RPA3: variants seen among roughly 807,000 people sequenced by gnomAD.
The protein encoded by RPA3 is replication protein A3.
Under a neutral mutation model 13.7 loss-of-function variants are expected in RPA3, and 24 were observed. The ratio of observed to expected loss-of-function variants is 1.75; its 90% CI spans 1.27 to 2.46. The LOEUF (loss-of-function observed/expected upper bound fraction) is 2.46, where lower values mean the gene tolerates loss of function less well. RPA3 is among the 30% of genes most tolerant of loss of function. RPA3 has a pLI of 0.00. For missense variants in RPA3, 183 were observed against 151.0 expected, an observed-to-expected ratio of 1.21 and a Z score of -1.11; for synonymous variants, 59 against 51.2, an observed-to-expected ratio of 1.15 and a Z score of -0.65.
intron 4 of RPA3, among the ~76,000 whole-genome samples, chr7:7,678,400 T>A (rs1256574373): frequency 2.0e-5 from 3 of 146,418 alleles, no homozygotes; most frequent in South Asian, 2.1e-4. Context: ...AAATAGCTAT[T>A]CAGATATATA....
chr7:7,716,380 T>A (rs1438103475), intron 1 of RPA3, among the ~76,000 whole-genome samples: 1 of 152,210 alleles, frequency 6.6e-6, no homozygotes, highest in Non-Finnish European at 1.5e-5. Flanking sequence ...TTGGCAAGGT[T>A]TCCTTTTAAA....
intron 2 of RPA3, among the ~76,000 whole-genome samples, chr7:7,708,308 T>C (rs28912693): frequency 2.0e-5 from 3 of 152,218 alleles, no homozygotes; most frequent in Non-Finnish European, 2.9e-5. Context: ...GTTTACTAGT[T>C]AATGTTGAAT....
intron 4 of RPA3, among the ~76,000 whole-genome samples, chr7:7,653,992 C>T (rs1356267992): frequency 6.6e-6 from 1 of 152,148 alleles, no homozygotes; most frequent in African/African-American, 2.4e-5. Context: ...GATTTCCCCC[C>T]TAAATTAGTA....
chr7:7,711,359 G>A (rs11773126), intron 2 of RPA3, among the ~76,000 whole-genome samples: 49,267 of 151,986 alleles, frequency 0.32, 8,306 homozygotes, highest in Middle Eastern at 0.44. Context: ...TTTTATTTCC[G>A]GGAGGAATTA....
At chr7:7,674,549 C>T (rs1779690301) in intron 4 of RPA3, among the ~76,000 whole-genome samples, 2 of 152,186 alleles carry the variant, frequency 1.3e-5, no homozygotes, top group African/African-American at 4.8e-5. Flanking sequence ...GAATTGTTTT[C>T]TTCAGACCAG....
At chr7:7,667,709 C>T (rs17546242) in intron 4 of RPA3, among the ~76,000 whole-genome samples, 8,911 of 152,252 alleles carry the variant, frequency 0.059, 342 homozygotes, top group Middle Eastern at 0.14. Flanking sequence ...CTGACAAAGA[C>T]AGAAATGGAA....
At chr7:7,639,520 G>C (rs1053285562) in intron 5 of RPA3, among the ~76,000 whole-genome samples, 1 of 152,198 alleles carries the variant, frequency 6.6e-6, no homozygotes, top group Non-Finnish European at 1.5e-5. Context: ...CAGGCATGAT[G>C]AAGTAAAAGG....
chr7:7,641,340 G>T (rs17466949), intron 4 of RPA3, among the ~76,000 whole-genome samples, 165 bp from the exon 5 acceptor site: 25,405 of 152,124 alleles, frequency 0.17, 2,726 homozygotes, highest in Non-Finnish European at 0.25. Flanking sequence ...CCAGTACTAG[G>T]GGAGACAAGC....
At chr7:7,693,338 C>CTATCTAT (rs1563128548) in intron 2 of RPA3, among the ~76,000 whole-genome samples, 2 of 44,696 alleles carry the variant, frequency 4.5e-5, no homozygotes, top group African/African-American at 1.4e-4. Context: ...TATCTATCTA[C>CTATCTAT]ATTATTTCGG....
chr7:7,688,342 G>A (rs1780087379), intron 2 of RPA3, among the ~76,000 whole-genome samples: 1 of 152,058 alleles, frequency 6.6e-6, no homozygotes, highest in Non-Finnish European at 1.5e-5. Context: ...TACTAGTTTG[G>A]CGTCAGAAAG....
At chr7:7,677,885 G>A (rs1779788359) in intron 4 of RPA3, among the ~76,000 whole-genome samples, 1 of 151,030 alleles carries the variant, frequency 6.6e-6, no homozygotes, top group Non-Finnish European at 1.5e-5. Context: ...GTTTTAGCCG[G>A]GATGGTCTCG....
At position 7,640,591 on chromosome 7, in the gene RPA3, G is replaced by A. The variant is rs1225384660; in HGVS notation, c.-173C>T. ...CGCAATCGCGCTGTCTCTGAAAGGGGTGGAGAAGGGGCTGGATGAGTCCGG... is the reference window on the plus strand; with the variant it reads ...CGCAATCGCGCTGTCTCTGAAAGGGATGGAGAAGGGGCTGGATGAGTCCGG... On this transcript the variant is annotated 5_prime_UTR_variant, in exon 5 of 8. Coordinates refer to ENST00000223129, the MANE Select transcript of RPA3 (RefSeq NM_002947.5). 5 of 632,632 alleles carry A rather than the reference G, an allele frequency of 7.9e-6. No individual in the cohort carries two copies. The East Asian group carries it at 1.4e-4, about 18-fold the overall frequency. The allele number at this position is 632,632 out of a possible 1,614,324, so 39.2% of individuals were successfully genotyped here.
rs765435012 is a variant in RPA3 at position 7,640,438 on chromosome 7, G to A, written c.-20C>T. 1.9e-6 allele frequency: 3 copies of A among 1,611,166 alleles called. No homozygotes were observed. Among genetic ancestry groups the A allele is most frequent in the Non-Finnish European group, 2.5e-6 (3 of 1,178,052 alleles). ...CACCATGATTATGGTCCAAGACTGC[G>A]GCTGGCGGGAAACCCACGGACGACT... On this transcript the variant is annotated 5_prime_UTR_variant, in exon 5 of 8. Coordinates refer to ENST00000223129, the MANE Select transcript of RPA3 (RefSeq NM_002947.5).
chr7:7,702,771 C>A (rs1051974302), intron 2 of RPA3, among the ~76,000 whole-genome samples: 15 of 151,696 alleles, frequency 9.9e-5, no homozygotes, highest in African/African-American at 3.4e-4. Context: ...CTCCATCTGC[C>A]AGTGGCCTGG....
intron 2 of RPA3, among the ~76,000 whole-genome samples, chr7:7,689,126 A>T (rs1780111088): frequency 6.6e-6 from 1 of 152,102 alleles, no homozygotes; most frequent in Non-Finnish European, 1.5e-5. Context: ...CATTTGCCTA[A>T]GCCAGTCACG....
chr7:7,679,638 A>G (rs7798101), intron 4 of RPA3, among the ~76,000 whole-genome samples: 8,260 of 72,580 alleles, frequency 0.11, 715 homozygotes, highest in Non-Finnish European at 0.16. Context: ...TATATATTTA[A>G]TTTATAGATA....
At chr7:7,673,554 C>A in intron 4 of RPA3, 1 of 641,100 alleles carries the variant, frequency 1.6e-6, no homozygotes, top group South Asian at 1.8e-5. Flanking sequence ...CTTATAATTT[C>A]AGAATTAATT....
At chr7:7,660,993 T>G (rs1563094832) in intron 4 of RPA3, among the ~76,000 whole-genome samples, 1 of 112,386 alleles carries the variant, frequency 8.9e-6, no homozygotes, top group Non-Finnish European at 1.7e-5. Context: ...GGAGGCTTTG[T>G]TCATTCCTTT....
At chr7:7,653,858 G>T (rs28992774) in intron 4 of RPA3, among the ~76,000 whole-genome samples, 9,701 of 152,254 alleles carry the variant, frequency 0.064, 409 homozygotes, top group Middle Eastern at 0.13. Context: ...CACTTAGTGG[G>T]TTAAAGCCAG....
Sources: gnomAD v4.1 joint callset for allele counts (sites outside exome capture counted in the v4.1 genomes callset) on GRCh38, gnomAD v4.1.1 for gene constraint, MANE v1.5 for transcripts, NCBI Gene and HGNC (gene_info 2026-07-23, HGNC 2026-07-21) for gene names.